The following C19orf84 variants were observed in gnomAD, a reference collection of about 807,000 sequenced individuals.
The protein encoded by C19orf84 is chromosome 19 open reading frame 84, also known as piRNA-mediated silencing protein C19orf84.
In C19orf84, 1 loss-of-function variant was observed where a neutral mutation model predicts 4.0. The observed-to-expected ratio is 0.25, with a 90% CI of 0.09 to 1.19. The LOEUF is 1.19. Among genes scored for constraint, C19orf84 ranks in the 50% most tolerant of loss-of-function variants. The probability of loss-of-function intolerance (pLI) is 0.50; values close to 1 mark genes in which losing one functional copy is unlikely to be tolerated. For synonymous variants in C19orf84, 123 were observed against 109.6 expected, an observed-to-expected ratio of 1.12 and a Z score of -0.76; for missense variants, 224 against 246.8, an observed-to-expected ratio of 0.91 and a Z score of 0.62.
rs1263563975 is a variant in C19orf84, at chr19:51,390,563, C to T, written c.-51G>A. 3.3e-6 allele frequency: 5 copies of T among 1,505,830 alleles called. No individual in the cohort carries two copies. Among genetic ancestry groups the T allele is most frequent in the Admixed American group, 4.1e-5 (2 of 48,520 alleles). The allele number at this position is 1,505,830 out of a possible 1,614,324, so 93.3% of individuals were successfully genotyped here. A position where few individuals can be genotyped will look rare whatever the true frequency, so the allele number is the denominator to read the frequency against. On this transcript the variant is annotated 5_prime_UTR_variant, in exon 1 of 2. Transcript: ENST00000574814. ...TTCTAGCAACTTCGCCTCCGAGATCCTTCGGGGGCCCGGGAAGGTTGGGGA... is the reference window on the plus strand; with the variant it reads ...TTCTAGCAACTTCGCCTCCGAGATCTTTCGGGGGCCCGGGAAGGTTGGGGA...
chr19:51,389,134 C>G lies in C19orf84; in HGVS notation c.411G>C (p.Ala137=), dbSNP rs994872836. ...GRAEQPERGR[A]GGPGAGPRTP... ...TCCTGGGGCCAGCCCCAGGGCCCCC[C>G]GCCCGGCCCCTCTCTGGCTGCTCAG... The change falls in exon 2 of 2, where the codon GCG becomes GCC. Residue 137 remains alanine (A), a synonymous_variant. Coordinates refer to ENST00000574814, the MANE Select transcript of C19orf84 (RefSeq NM_001193623.2). The surrounding 1 kb of genome is among the most constrained non-coding windows in gnomAD (Gnocchi z 4.7). 5.9e-6 allele frequency: 9 copies of G among 1,535,878 alleles called. No individual in the cohort carries two copies. Among genetic ancestry groups the G allele is most frequent in the Non-Finnish European group, 7.8e-6 (9 of 1,146,810 alleles).
In C19orf84 at chr19:51,389,288, G is replaced by A. The variant is rs1486117336; in HGVS notation, c.257C>T (p.Pro86Leu). 2.0e-6 allele frequency: 3 copies of A among 1,535,958 alleles called. No individual in the cohort carries two copies. The highest frequency in any genetic ancestry group is 2.4e-5 in the South Asian group (2 of 84,052). The change falls in exon 2 of 2, where the codon CCC (proline) becomes CTC (leucine). Residue 86 changes from proline to leucine, a missense_variant. Transcript: ENST00000574814. The surrounding 1 kb of genome is among the most constrained non-coding windows in gnomAD (Gnocchi z 4.7). ...GGAGTGGCCTGCCTGGGAGCAGCAGGGGCAAGAGGGCAAGGCCTGTTGGAA... is the reference window on the plus strand; with the variant it reads ...GGAGTGGCCTGCCTGGGAGCAGCAGAGGCAAGAGGGCAAGGCCTGTTGGAA... ...YTFQQALPSCPCCSQAGHSQP... is the reference protein window; with the variant it reads ...YTFQQALPSCLCCSQAGHSQP...
intron 1 of C19orf84, 182 bp downstream of exon 1, chr19:51,390,296 C>T (rs1298183856): frequency 2.0e-6 from 1 of 505,902 alleles, no homozygotes; most frequent in Non-Finnish European, 3.2e-6. Context: ...TTCTAAGTAT[C>T]TCGCTCAACT....
Position 51,388,752 on chromosome 19 carries a change from A to C in C19orf84, c.*232T>G, listed in dbSNP as rs190103381. Reference sequence around the variant, plus strand: ...ATTGGGAATGGGGTTGAGGCCATCAAGGAGACAGGTTTGGGTACGAGGTTT... The same window carrying C: ...ATTGGGAATGGGGTTGAGGCCATCACGGAGACAGGTTTGGGTACGAGGTTT... On this transcript the variant is annotated 3_prime_UTR_variant, in exon 2 of 2. Transcript: ENST00000574814. 2 of 577,516 alleles carry C rather than the reference A, an allele frequency of 3.5e-6. No homozygotes were observed. Among genetic ancestry groups the C allele is most frequent in the South Asian group, 2.1e-5 (1 of 47,226 alleles). The allele number at this position is 577,516 out of a possible 1,614,324, so 35.8% of individuals were successfully genotyped here. A position where few individuals can be genotyped will look rare whatever the true frequency, so the allele number is the denominator to read the frequency against.
Position 51,390,504 on chromosome 19 carries a change from T to C in C19orf84, c.9A>G (p.Gln3=), listed in dbSNP as rs992357614. 1 of 1,532,344 alleles carries C rather than the reference T, an allele frequency of 6.5e-7. No homozygotes were observed. Among genetic ancestry groups the C allele is most frequent in the Admixed American group, 2.0e-5 (1 of 50,678 alleles). The allele number at this position is 1,532,344 out of a possible 1,614,324, so 94.9% of individuals were successfully genotyped here. A position where few individuals can be genotyped will look rare whatever the true frequency, so the allele number is the denominator to read the frequency against. The part of the protein sequence containing the change: ME[Q]PKDGAGPEGN... ...CTTCAGGCCCAGCCCCGTCCTTTGG[T>C]TGTTCCATCTCCACTGGGGCCCTCT... The change falls in exon 1 of 2, where the codon CAA becomes CAG. Residue 3 remains glutamine (Q), a synonymous_variant. Transcript: ENST00000574814.
rs772907924 is a variant in C19orf84, at chr19:51,388,299, GTC to G, written c.*683_*684del. 43 of 157,860 alleles carry G rather than the reference GTC, an allele frequency of 2.7e-4. No individual in the cohort carries two copies. Among genetic ancestry groups the G allele is most frequent in the Non-Finnish European group, 4.9e-4 (35 of 71,440 alleles). 9.8% of individuals were successfully genotyped at this position (157,860 alleles called of 1,614,324 possible). A position where few individuals can be genotyped will look rare whatever the true frequency, so the allele number is the denominator to read the frequency against. Reference sequence around the variant, plus strand: ...CGCACACACGCAAGATTCAGGGAGAGTCATGCGTTTATTGTTCAACCAGGGCT... The same window carrying G: ...CGCACACACGCAAGATTCAGGGAGAGATGCGTTTATTGTTCAACCAGGGCT... On this transcript the variant is annotated 3_prime_UTR_variant, in exon 2 of 2. Coordinates refer to ENST00000574814, the MANE Select transcript of C19orf84 (RefSeq NM_001193623.2).
chr19:51,388,896 G>A lies in C19orf84; in HGVS notation c.*88C>T. 1 of 1,402,816 alleles carries A rather than the reference G, an allele frequency of 7.1e-7. No homozygotes were observed. The highest frequency in any genetic ancestry group is 9.5e-7 in the Non-Finnish European group (1 of 1,048,536). The allele number at this position is 1,402,816 out of a possible 1,614,324, so 86.9% of individuals were successfully genotyped here. ...GGGGAGGATGGAAGATGTTTCTTGG[G>A]GTTCTTCTGACAGGGCTGAGATCAC... On this transcript the variant is annotated 3_prime_UTR_variant, in exon 2 of 2. Coordinates refer to ENST00000574814, the MANE Select transcript of C19orf84 (RefSeq NM_001193623.2).
chr19:51,389,102 G>T lies in C19orf84; in HGVS notation c.443C>A (p.Pro148Gln). The change falls in exon 2 of 2, where the codon CCA (proline) becomes CAA (glutamine). Residue 148 changes from proline to glutamine, a missense_variant. Pro to Gln is a moderately conservative substitution (Grantham distance 76, BLOSUM62 -1). Transcript: ENST00000574814. This position sits in a 1 kb window ranked among gnomAD's most constrained non-coding sequence, Gnocchi z 4.7. ...TGTTGGTGGTGATGGCAGTGTCATT[G>T]GTGGGGTCCTGGGGCCAGCCCCAGG... ...GGPGAGPRTP[P>Q]MTLPSPPTLP... 6.5e-7 allele frequency: 1 copy of T among 1,535,972 alleles called. No homozygotes were observed. Among genetic ancestry groups the T allele is most frequent in the Non-Finnish European group, 8.7e-7 (1 of 1,146,826 alleles).
chr19:51,389,505 T>TGTTCCTAGAACAACAAAAAGACAGGTC lies in C19orf84; in HGVS notation c.36-23_39dup (p.Asn13_Asn14insAspLeuSerPheCysCysSerArgAsn). On this transcript the variant is annotated inframe_insertion, in exon 2 of 2. Transcript: ENST00000574814. The surrounding 1 kb of genome is among the most constrained non-coding windows in gnomAD (Gnocchi z 4.7). ...GTCCCAGATGACGGCAGGGACAGGT[T>TGTTCCTAGAACAACAAAAAGACAGGTC]GTTCCTAGAACAACAAAAAGACAGG... is the stretch of plus-strand genomic sequence containing the variant. The TGTTCCTAGAACAACAAAAAGACAGGTC allele has an allele frequency of 1.4e-6, 2 of 1,423,880 alleles. No homozygotes were observed. The highest frequency in any genetic ancestry group is 1.8e-6 in the Non-Finnish European group (2 of 1,093,086). 88.2% of individuals were successfully genotyped at this position (1,423,880 alleles called of 1,614,324 possible). A position where few individuals can be genotyped will look rare whatever the true frequency, so the allele number is the denominator to read the frequency against.
Position 51,389,353 on chromosome 19 carries a change from G to A in C19orf84, c.192C>T (p.Leu64=), listed in dbSNP as rs1285680948. The A allele has an allele frequency of 2.6e-6, 4 of 1,529,742 alleles. No homozygotes were observed. The highest frequency in any genetic ancestry group is 1.7e-4 in the Middle Eastern group (1 of 5,930). The allele number at this position is 1,529,742 out of a possible 1,614,324, so 94.8% of individuals were successfully genotyped here. A position where few individuals can be genotyped will look rare whatever the true frequency, so the allele number is the denominator to read the frequency against. The part of the protein sequence containing the change: ...SVTVPIRLDT[L]SCLLHSALLG... ...GCAGGGCGCTGTGCAGGAGGCAGGA[G>A]AGGGTGTCCAGGCGTATGGGCACGG... The change falls in exon 2 of 2, where the codon CTC becomes CTT. Residue 64 remains leucine (L), a synonymous_variant. Coordinates refer to ENST00000574814, the MANE Select transcript of C19orf84 (RefSeq NM_001193623.2). The surrounding 1 kb of genome is among the most constrained non-coding windows in gnomAD (Gnocchi z 4.7).
At position 51,389,367 on chromosome 19, in the gene C19orf84, G is replaced by A. The variant is rs1267921697; in HGVS notation, c.178C>T (p.Arg60Cys). Residue 60 changes from arginine to cysteine, a missense_variant, in exon 2 of 2, where the codon CGC becomes TGC. Physicochemically the swap from Arg to Cys is radical, Grantham distance 180 (BLOSUM62 -3). Coordinates refer to ENST00000574814, the MANE Select transcript of C19orf84 (RefSeq NM_001193623.2). The surrounding 1 kb of genome is among the most constrained non-coding windows in gnomAD (Gnocchi z 4.7). ...ESVASVTVPI[R>C]LDTLSCLLHS... is the part of the protein sequence containing the mutation. ...AGGAGGCAGGAGAGGGTGTCCAGGC[G>A]TATGGGCACGGTGACAGAGGCCACG... 1.2e-5 allele frequency: 19 copies of A among 1,521,406 alleles called. No homozygotes were observed. Among genetic ancestry groups the A allele is most frequent in the Non-Finnish European group, 1.4e-5 (16 of 1,138,888 alleles). The allele number at this position is 1,521,406 out of a possible 1,614,324, so 94.2% of individuals were successfully genotyped here.
Position 51,388,614 on chromosome 19 carries a change from A to C in C19orf84, c.*370T>G. The C allele has an allele frequency of 7.4e-6, 2 of 271,222 alleles. No individual in the cohort carries two copies. The highest frequency in any genetic ancestry group is 5.0e-5 in the Admixed American group (1 of 20,002). 16.8% of individuals were successfully genotyped at this position (271,222 alleles called of 1,614,324 possible). A position where few individuals can be genotyped will look rare whatever the true frequency, so the allele number is the denominator to read the frequency against. ...GGGAACAGGGTATTGAGAGTGGGGA[A>C]GAGAGAGGCAGGTAGGAGTGGCTTT... On this transcript the variant is annotated 3_prime_UTR_variant, in exon 2 of 2. Transcript: ENST00000574814.
rs1317169523 is a variant in C19orf84, at chr19:51,389,146, C to T, written c.399G>A (p.Glu133=). Residue 133 remains glutamate, a synonymous_variant, in exon 2 of 2, where the codon GAG becomes GAA. Coordinates refer to ENST00000574814, the MANE Select transcript of C19orf84 (RefSeq NM_001193623.2). The surrounding 1 kb of genome is among the most constrained non-coding windows in gnomAD (Gnocchi z 4.7). ...RRGLGRAEQP[E]RGRAGGPGAG... is the part of the protein sequence containing the mutation. ...CCCCAGGGCCCCCCGCCCGGCCCCT[C>T]TCTGGCTGCTCAGCTCTCCCAAGGC... 6.5e-7 allele frequency: 1 copy of T among 1,535,890 alleles called. No homozygotes were observed. The highest frequency in any genetic ancestry group is 2.4e-5 in the East Asian group (1 of 40,888).
rs1987256742 is a variant in C19orf84 at position 51,389,973 on chromosome 19, G to C, written c.36-464C>G. On this transcript the variant is annotated intron_variant, in intron 1 of 1. Coordinates refer to ENST00000574814, the MANE Select transcript of C19orf84 (RefSeq NM_001193623.2). The surrounding 1 kb of genome is among the most constrained non-coding windows in gnomAD (Gnocchi z 4.7). ...GGAAATTTCTGTTCGATGAGTATCT[G>C]TTTCTAGCTCTTTTTTTTTTTTGAG... Among the ~76,000 whole-genome samples the C allele has an allele frequency of 6.6e-6, 1 of 151,416 alleles. No individual in the cohort carries two copies. The highest frequency in any genetic ancestry group is 1.5e-5 in the Non-Finnish European group (1 of 67,838).
In C19orf84 at chr19:51,389,537, G is replaced by A; in HGVS notation, c.36-28C>T. On this transcript the variant is annotated intron_variant, in intron 1 of 1. Transcript: ENST00000574814. This position sits in a 1 kb window ranked among gnomAD's most constrained non-coding sequence, Gnocchi z 4.7. ...AGAACAACAAAAAGACAGGTCAGTG[G>A]GGCTCAGCGTCTCCGTACTTTCTTG... 1.4e-6 allele frequency: 2 copies of A among 1,389,388 alleles called. No individual in the cohort carries two copies. The highest frequency in any genetic ancestry group is 9.3e-7 in the Non-Finnish European group (1 of 1,075,888). 86.1% of individuals were successfully genotyped at this position (1,389,388 alleles called of 1,614,324 possible). A position where few individuals can be genotyped will look rare whatever the true frequency, so the allele number is the denominator to read the frequency against.
chr19:51,389,456 A>G lies in C19orf84; in HGVS notation c.89T>C (p.Leu30Pro). ...SGTEPWPPAP[L>P]PAPPPLLLNS... ...CAGGAGCAAGGGTGGAGGGGCTGGG[A>G]GAGGCGCAGGGGGCCATGGCTCGGT... The change falls in exon 2 of 2, where the codon CTC (leucine) becomes CCC (proline). Residue 30 changes from leucine to proline, a missense_variant. Transcript: ENST00000574814. This position sits in a 1 kb window ranked among gnomAD's most constrained non-coding sequence, Gnocchi z 4.7. The G allele has an allele frequency of 1.4e-6, 2 of 1,445,248 alleles. No homozygotes were observed. The highest frequency in any genetic ancestry group is 1.8e-6 in the Non-Finnish European group (2 of 1,103,236). The allele number at this position is 1,445,248 out of a possible 1,614,324, so 89.5% of individuals were successfully genotyped here.
At position 51,390,554 on chromosome 19, in the gene C19orf84, T is replaced by TCC. The variant is rs1454934349; in HGVS notation, c.-44_-43dup. 4 of 1,510,864 alleles carry TCC rather than the reference T, an allele frequency of 2.6e-6. No homozygotes were observed. The South Asian group carries it at 3.7e-5, about 14-fold the overall frequency. The allele number at this position is 1,510,864 out of a possible 1,614,324, so 93.6% of individuals were successfully genotyped here. A position where few individuals can be genotyped will look rare whatever the true frequency, so the allele number is the denominator to read the frequency against. ...TTACGTATCTTCTAGCAACTTCGCC[T>TCC]CCGAGATCCTTCGGGGGCCCGGGAA... On this transcript the variant is annotated 5_prime_UTR_variant, in exon 1 of 2. Coordinates refer to ENST00000574814, the MANE Select transcript of C19orf84 (RefSeq NM_001193623.2).
Position 51,389,395 on chromosome 19 carries a change from C to T in C19orf84, c.150G>A (p.Glu50=). ...STDPTHLGLP[E]SVASVTVPIR... is the part of the protein sequence containing the mutation. ...TGGGCACGGTGACAGAGGCCACGCTCTCCGGGAGCCCCAGGTGGGTGGGGT... is the reference window on the plus strand; with the variant it reads ...TGGGCACGGTGACAGAGGCCACGCTTTCCGGGAGCCCCAGGTGGGTGGGGT... Residue 50 remains glutamate, a synonymous_variant, in exon 2 of 2, where the codon GAG becomes GAA. Transcript: ENST00000574814. The surrounding 1 kb of genome is among the most constrained non-coding windows in gnomAD (Gnocchi z 4.7). 1 of 1,498,026 alleles carries T rather than the reference C, an allele frequency of 6.7e-7. No homozygotes were observed. Among genetic ancestry groups the T allele is most frequent in the African/African-American group, 1.4e-5 (1 of 72,258 alleles). The allele number at this position is 1,498,026 out of a possible 1,614,324, so 92.8% of individuals were successfully genotyped here.
At position 51,389,095 on chromosome 19, in the gene C19orf84, T is replaced by G. The variant is rs1238128620; in HGVS notation, c.450A>C (p.Thr150=). The change falls in exon 2 of 2, where the codon ACA becomes ACC. Residue 150 remains threonine, a synonymous_variant. Transcript: ENST00000574814. The surrounding 1 kb of genome is among the most constrained non-coding windows in gnomAD (Gnocchi z 4.7). The stretch of plus-strand genomic sequence containing the variant: ...CAGGCAGTGTTGGTGGTGATGGCAG[T>G]GTCATTGGTGGGGTCCTGGGGCCAG... ...PGAGPRTPPM[T]LPSPPTLPAQ... The G allele has an allele frequency of 2.6e-6, 4 of 1,535,774 alleles. No individual in the cohort carries two copies. Among genetic ancestry groups the G allele is most frequent in the Non-Finnish European group, 3.5e-6 (4 of 1,146,756 alleles).
Sources: allele counts gnomAD v4.1 joint callset (sites outside exome capture counted in the v4.1 genomes callset), GRCh38; gene constraint gnomAD v4.1.1; non-coding constraint Gnocchi (gnomAD v3.1); transcripts MANE v1.5; gene names NCBI Gene and HGNC (gene_info 2026-07-23, HGNC 2026-07-21).